Variants in DSCAM observed in about 807,000 individuals in gnomAD.
DSCAM encodes cell adhesion molecule DSCAM.
DSCAM carries 47 observed loss-of-function variants against 217.7 expected under a neutral mutation model. The observed-to-expected ratio is 0.22, with a 90% CI of 0.17 to 0.28. DSCAM has a LOEUF of 0.28. Ranked by LOEUF, DSCAM falls within the 10% of genes least tolerant of loss-of-function variation. The pLI is 1.00. For missense variants in DSCAM, 2,080 were observed against 2,618.3 expected (o/e 0.79, Z 4.49); for synonymous variants, 1,056 against 1,015.3 (o/e 1.04, Z -0.76).
At chr21:40,409,952 CA>C (rs2075308754) in intron 3 of DSCAM, among the ~76,000 whole-genome samples, 1 of 151,976 alleles carries the variant, frequency 6.6e-6, no homozygotes, top group Non-Finnish European at 1.5e-5. Flanking sequence ...TAAACAATTA[CA>C]AAACATGTCT....
rs1041088790 is a variant in DSCAM at position 40,011,563 on chromosome 21, G to A, written c.*1471C>T. 1.3e-5 allele frequency: 2 copies of A among 152,132 alleles called. No homozygotes were observed. Among genetic ancestry groups the A allele is most frequent in the Non-Finnish European group, 2.9e-5 (2 of 68,040 alleles). The allele number at this position is 152,132 out of a possible 1,614,324, so 9.4% of individuals were successfully genotyped here. A position where few individuals can be genotyped will look rare whatever the true frequency, so the allele number is the denominator to read the frequency against. On this transcript the variant is annotated 3_prime_UTR_variant, in exon 33 of 33. Coordinates refer to ENST00000400454, the MANE Select transcript of DSCAM (RefSeq NM_001389.5). Reference sequence around the variant, plus strand: ...CTGTTTATCTTTCCATTTTATGGAAGTGAGCCTGGAATGGAGTGTTGCAGC... The same window carrying A: ...CTGTTTATCTTTCCATTTTATGGAAATGAGCCTGGAATGGAGTGTTGCAGC...
chr21:40,634,267 T>C (rs1253848715), intron 3 of DSCAM, among the ~76,000 whole-genome samples: 1 of 152,198 alleles, frequency 6.6e-6, no homozygotes, highest in African/African-American at 2.4e-5. Flanking sequence ...TCTGTGGCTT[T>C]TGTTCCTCTT....
At chr21:40,439,068 C>T (rs2075609011) in intron 3 of DSCAM, among the ~76,000 whole-genome samples, 1 of 152,114 alleles carries the variant, frequency 6.6e-6, no homozygotes, top group South Asian at 2.1e-4. Context: ...CTGTTTACCA[C>T]CCATTAGCTG....
intron 3 of DSCAM, among the ~76,000 whole-genome samples, chr21:40,504,521 G>A (rs2076195033): frequency 6.6e-6 from 1 of 152,196 alleles, no homozygotes; most frequent in Non-Finnish European, 1.5e-5. Flanking sequence ...GATACAACAA[G>A]CTTTAACCTG....
At chr21:40,658,276 T>A (rs1458180960) in intron 3 of DSCAM, among the ~76,000 whole-genome samples, 1 of 152,216 alleles carries the variant, frequency 6.6e-6, no homozygotes, top group African/African-American at 2.4e-5. Context: ...TGTCACTTCC[T>A]GCCTGGTTTA....
intron 3 of DSCAM, among the ~76,000 whole-genome samples, chr21:40,446,989 T>C (rs1474307464): frequency 2.0e-5 from 3 of 152,170 alleles, no homozygotes; most frequent in Admixed American, 2.0e-4. Flanking sequence ...TGAGGTAGCC[T>C]GTCTGCCAAG....
chr21:40,828,340 C>G (rs2091986193), intron 1 of DSCAM, among the ~76,000 whole-genome samples: 1 of 152,180 alleles, frequency 6.6e-6, no homozygotes, highest in Admixed American at 6.5e-5. Flanking sequence ...TCAACAGGAG[C>G]AAGGCCAGGG....
At chr21:40,340,319 A>T (rs368239642) in intron 6 of DSCAM, among the ~76,000 whole-genome samples, 2 of 152,236 alleles carry the variant, frequency 1.3e-5, no homozygotes, top group African/African-American at 4.8e-5. Context: ...GTTTACATAG[A>T]TCAAATTTTC....
chr21:40,482,795 A>G (rs1020902646), intron 3 of DSCAM, among the ~76,000 whole-genome samples: 1 of 152,190 alleles, frequency 6.6e-6, no homozygotes, highest in African/African-American at 2.4e-5. Flanking sequence ...AACTCTTAGC[A>G]CACTACCTCC....
intron 11 of DSCAM, among the ~76,000 whole-genome samples, chr21:40,193,116 T>C (rs1414411275): frequency 1.3e-5 from 2 of 152,320 alleles, no homozygotes; most frequent in African/African-American, 4.8e-5. Flanking sequence ...AACAAGAACA[T>C]TCCCTTTCAA....
intron 3 of DSCAM, among the ~76,000 whole-genome samples, chr21:40,678,059 A>T (rs2146416724): frequency 6.6e-6 from 1 of 152,308 alleles, no homozygotes; most frequent in African/African-American, 2.4e-5. Context: ...GTATATTTTA[A>T]ATATTTGATA....
intron 9 of DSCAM, among the ~76,000 whole-genome samples, chr21:40,299,243 TA>T (rs2073988265): frequency 6.6e-6 from 1 of 152,238 alleles, no homozygotes; most frequent in South Asian, 2.1e-4. Flanking sequence ...GAAAATGCTA[TA>T]TTTTACTAAG....
At chr21:40,529,162 C>G (rs964214420) in intron 3 of DSCAM, among the ~76,000 whole-genome samples, 18 of 152,174 alleles carry the variant, frequency 1.2e-4, no homozygotes, top group African/African-American at 4.3e-4. Flanking sequence ...CCTCAGCCTC[C>G]CAAAATTACA....
At chr21:40,745,515 G>A (rs1042250006) in intron 1 of DSCAM, among the ~76,000 whole-genome samples, 7 of 152,272 alleles carry the variant, frequency 4.6e-5, no homozygotes, top group African/African-American at 1.7e-4. Context: ...TCAAAGTGCT[G>A]AAGGGAAAGA....
rs1018669817 is a variant in DSCAM, at chr21:40,442,451, C to T, written c.509-73206G>A. Reference sequence around the variant, plus strand: ...GCTACCTTTTAATAATAAACATGTACTACCAATGTATTCAATAATTTATAA... The same window carrying T: ...GCTACCTTTTAATAATAAACATGTATTACCAATGTATTCAATAATTTATAA... On this transcript the variant is annotated intron_variant, in intron 3 of 32. Coordinates refer to ENST00000400454, the MANE Select transcript of DSCAM (RefSeq NM_001389.5). Among the ~76,000 whole-genome samples the T allele has an allele frequency of 2.5e-4, 37 of 148,604 alleles. 1 individual carries two copies. The highest frequency in any genetic ancestry group is 9.2e-4 in the African/African-American group (37 of 40,304).
At chr21:40,350,041 T>A (rs886503236) in intron 5 of DSCAM, among the ~76,000 whole-genome samples, 2 of 151,924 alleles carry the variant, frequency 1.3e-5, no homozygotes, top group African/African-American at 4.8e-5. Flanking sequence ...CTGGTAATCT[T>A]CTCCTATTAT....
intron 3 of DSCAM, among the ~76,000 whole-genome samples, chr21:40,407,443 C>G (rs2075288709): frequency 6.6e-6 from 1 of 152,200 alleles, no homozygotes; most frequent in Non-Finnish European, 1.5e-5. Context: ...GGCTTTGTGA[C>G]TTGCTTTGAC....
At chr21:40,161,333 A>G (rs1161419422) in intron 16 of DSCAM, among the ~76,000 whole-genome samples, 1 of 152,196 alleles carries the variant, frequency 6.6e-6, no homozygotes, top group East Asian at 1.9e-4. Flanking sequence ...CCATGGCTTC[A>G]TTAAAGAAAC....
Position 40,760,979 on chromosome 21 carries a change from C to T in DSCAM, c.44-52208G>A, listed in dbSNP as rs181777669. Among the ~76,000 whole-genome samples, 322 of 152,314 alleles carry T rather than the reference C, an allele frequency of 2.1e-3. 3 individuals are homozygous for T. The highest frequency in any genetic ancestry group is 7.3e-3 in the African/African-American group (305 of 41,564). On this transcript the variant is annotated intron_variant, in intron 1 of 32. Coordinates refer to ENST00000400454, the MANE Select transcript of DSCAM (RefSeq NM_001389.5). ...CACTTACTTATAATCACAACATTCC[C>T]AAAGCACAACTTGGAGTTTGGCTCT...
Sources: allele counts gnomAD v4.1 joint callset (sites outside exome capture counted in the v4.1 genomes callset), GRCh38; gene constraint gnomAD v4.1.1; transcripts MANE v1.5; gene names NCBI Gene and HGNC (gene_info 2026-07-23, HGNC 2026-07-21).